The following ANKRD66 variants were observed in gnomAD, a reference collection of about 807,000 sequenced individuals.
ANKRD66 encodes ankyrin repeat domain 66.
In ANKRD66, 10 loss-of-function variants were observed where a neutral mutation model predicts 10.9. The observed-to-expected ratio is 0.91, with a 90% confidence interval of 0.56 to 1.55. The LOEUF is 1.55. Ranked by LOEUF, ANKRD66 falls within the 40% of genes most tolerant of loss-of-function variation. The pLI is 0.00. For synonymous variants in ANKRD66, 85 were observed against 88.4 expected (o/e 0.96, Z 0.22); for missense variants, 252 against 242.9 (o/e 1.04, Z -0.25).
At chr6:46,752,183 A>T in intron 3 of ANKRD66, 72 bp downstream of exon 3, 20 of 1,328,712 alleles carry the variant, frequency 1.5e-5, no homozygotes, top group Non-Finnish European at 1.8e-5. Flanking sequence ...TCAGTAGGCT[A>T]TGTGGGGGAG....
chr6:46,747,250 G>GC (rs1214351076), intron 1 of ANKRD66, among the ~76,000 whole-genome samples: 2 of 152,098 alleles, frequency 1.3e-5, no homozygotes, highest in Non-Finnish European at 2.9e-5. Flanking sequence ...AATTGTGTTT[G>GC]TTTTTGTTTT....
rs1252177647 is a variant in ANKRD66 at position 46,758,872 on chromosome 6, A to G, written c.542A>G (p.Lys181Arg). The G allele has an allele frequency of 1.1e-5, 17 of 1,551,568 alleles. No individual in the cohort carries two copies. The highest frequency in any genetic ancestry group is 1.5e-5 in the Non-Finnish European group (17 of 1,146,898). The change falls in exon 5 of 5, where the codon AAA becomes AGA. Residue 181 changes from lysine (K) to arginine (R), a missense_variant. Coordinates refer to ENST00000565422, the MANE Select transcript of ANKRD66 (RefSeq NM_001162435.3). ...CAAAACATGAATAAAAAGAATAAGA[A>G]AAGTCGAGGCCCCACCAGGCCCAGC... ...LNQNMNKKNK[K>R]SRGPTRPSNT...
intron 4 of ANKRD66, among the ~76,000 whole-genome samples, chr6:46,755,185 A>G (rs1302086109): frequency 6.6e-6 from 1 of 152,156 alleles, no homozygotes; most frequent in Non-Finnish European, 1.5e-5. Context: ...TATTCCTGCT[A>G]TTAATTCTCA....
At chr6:46,750,624 A>G (rs946942689) in intron 2 of ANKRD66, among the ~76,000 whole-genome samples, 3 of 149,004 alleles carry the variant, frequency 2.0e-5, no homozygotes, top group African/African-American at 7.3e-5. Flanking sequence ...ACATACACAT[A>G]TACATACACA....
At chr6:46,755,456 GGT>G (rs1254858087) in intron 4 of ANKRD66, among the ~76,000 whole-genome samples, 1 of 152,072 alleles carries the variant, frequency 6.6e-6, no homozygotes. Context: ...TGAAGCCATG[GGT>G]TACACATTTT....
chr6:46,758,504 C>G (rs2150729106), intron 4 of ANKRD66: 1 of 409,298 alleles, frequency 2.4e-6, no homozygotes, highest in East Asian at 3.5e-5. Flanking sequence ...ATCTTTGAGT[C>G]TGTTAACATC....
rs191404136 is a variant in ANKRD66 at position 46,758,256 on chromosome 6, T to C, written c.393-467T>C. 34 of 153,000 alleles carry C rather than the reference T, an allele frequency of 2.2e-4. No individual in the cohort carries two copies. The East Asian group carries it at 6.0e-3, about 27-fold the overall frequency. 9.5% of individuals were successfully genotyped at this position (153,000 alleles called of 1,614,324 possible). A position where few individuals can be genotyped will look rare whatever the true frequency, so the allele number is the denominator to read the frequency against. On this transcript the variant is annotated intron_variant, in intron 4 of 4. Coordinates refer to ENST00000565422, the MANE Select transcript of ANKRD66 (RefSeq NM_001162435.3). ...CCATCCATGTATCCATTTACAATTA[T>C]ATGTATTTTTACAGAATCCATACAT...
intron 2 of ANKRD66, among the ~76,000 whole-genome samples, chr6:46,750,892 T>C (rs1766255682): frequency 6.6e-6 from 1 of 152,070 alleles, no homozygotes. Flanking sequence ...TTAAAATCCA[T>C]TGGTCTACCA....
chr6:46,751,304 A>G (rs77779686), intron 2 of ANKRD66, among the ~76,000 whole-genome samples: 362 of 152,340 alleles, frequency 2.4e-3, no homozygotes, highest in African/African-American at 8.0e-3. Context: ...GACTTCACAG[A>G]TCCCCTGAAA....
intron 2 of ANKRD66, among the ~76,000 whole-genome samples, chr6:46,750,977 T>G (rs1034361439): frequency 6.6e-6 from 1 of 152,180 alleles, no homozygotes; most frequent in African/African-American, 2.4e-5. Context: ...TTTAGGGTGA[T>G]AAATATTTTC....
chr6:46,750,145 T>C (rs1294714619), intron 2 of ANKRD66, among the ~76,000 whole-genome samples, 166 bp downstream of exon 2: 1 of 152,184 alleles, frequency 6.6e-6, no homozygotes, highest in Non-Finnish European at 1.5e-5. Context: ...AGTGGCACTC[T>C]CTCCACTCTT....
In ANKRD66 at chr6:46,752,054, AACT is replaced by A; in HGVS notation, c.109_111del (p.Tyr37del). 6.5e-7 allele frequency: 1 copy of A among 1,537,730 alleles called. No homozygotes were observed. The highest frequency in any genetic ancestry group is 8.8e-7 in the Non-Finnish European group (1 of 1,141,198). ...TTTGAAGAAAGGTCTCTGTGACCCAAACTACAAAGATGTAGACTGGAATGACCG... is the reference window on the plus strand; with the variant it reads ...TTTGAAGAAAGGTCTCTGTGACCCAAACAAAGATGTAGACTGGAATGACCG... On this transcript the variant is annotated inframe_deletion, in exon 3 of 5. Coordinates refer to ENST00000565422, the MANE Select transcript of ANKRD66 (RefSeq NM_001162435.3).
intron 2 of ANKRD66, 121 bp from the exon 3 acceptor site, chr6:46,751,816 G>A (rs1229848039): frequency 1.9e-6 from 2 of 1,058,868 alleles, no homozygotes; most frequent in African/African-American, 1.7e-5. Context: ...CACACATGAG[G>A]CAAACTGAGA....
intron 1 of ANKRD66, among the ~76,000 whole-genome samples, chr6:46,747,694 A>T (rs1215471899): frequency 6.6e-6 from 1 of 152,232 alleles, no homozygotes; most frequent in Non-Finnish European, 1.5e-5. Context: ...GTATCTATTC[A>T]TCTATTGATG....
At chr6:46,758,383 AT>A (rs1339257329) in intron 4 of ANKRD66, 1 of 187,416 alleles carries the variant, frequency 5.3e-6, no homozygotes, top group African/African-American at 2.3e-5. Context: ...TTTTATGATT[AT>A]GAAAAATAAA....
rs1187348142 is a variant in ANKRD66, at chr6:46,752,053, A to C, written c.105A>C (p.Pro35=). 1.2e-5 allele frequency: 18 copies of C among 1,538,444 alleles called. No individual in the cohort carries two copies. The highest frequency in any genetic ancestry group is 1.6e-5 in the Non-Finnish European group (18 of 1,141,466). ...TTTTGAAGAAAGGTCTCTGTGACCC[A>C]AACTACAAAGATGTAGACTGGAATG... ...KKILKKGLCD[P]NYKDVDWNDR... Residue 35 remains proline (P), a synonymous_variant, in exon 3 of 5, where the codon CCA becomes CCC. Coordinates refer to ENST00000565422, the MANE Select transcript of ANKRD66 (RefSeq NM_001162435.3).
At chr6:46,755,748 G>A (rs969170521) in intron 4 of ANKRD66, among the ~76,000 whole-genome samples, 2 of 151,908 alleles carry the variant, frequency 1.3e-5, no homozygotes, top group East Asian at 1.9e-4. Context: ...TCTGAATTGC[G>A]CTGTGTCTTT....
At chr6:46,757,752 A>G (rs1158643450) in intron 4 of ANKRD66, 1 of 152,232 alleles carries the variant, frequency 6.6e-6, no homozygotes, top group Non-Finnish European at 1.5e-5. Flanking sequence ...CCAAGTGATA[A>G]ACCTCTCATT....
intron 4 of ANKRD66, among the ~76,000 whole-genome samples, chr6:46,755,171 C>G (rs1327443393): frequency 1.3e-5 from 2 of 152,182 alleles, no homozygotes; most frequent in South Asian, 2.1e-4. Flanking sequence ...CACTCTCTTC[C>G]CGCTATTCCT....
Sources: gnomAD v4.1 joint callset for allele counts (sites outside exome capture counted in the v4.1 genomes callset) on GRCh38, gnomAD v4.1.1 for gene constraint, MANE v1.5 for transcripts, NCBI Gene and HGNC (gene_info 2026-07-23, HGNC 2026-07-21) for gene names.